ESYT2: variants seen among roughly 807,000 people sequenced by gnomAD.
ESYT2 encodes the protein extended synaptotagmin-2.
Under a neutral mutation model 107.2 loss-of-function variants are expected in ESYT2, and 54 were observed. The ratio of observed to expected loss-of-function variants is 0.50; its 90% CI spans 0.40 to 0.63. The LOEUF (loss-of-function observed/expected upper bound fraction) is 0.63. ESYT2 is among the 30% of genes least tolerant of loss of function. The pLI is 0.00. For synonymous variants in ESYT2, 491 were observed against 434.1 expected, an observed-to-expected ratio of 1.13 and a Z score of -1.63; for missense variants, 1,020 against 1,094.5, an observed-to-expected ratio of 0.93 and a Z score of 0.96.
At chr7:158,745,809 T>C (rs1210340088) in intron 16 of ESYT2, among the ~76,000 whole-genome samples, 1 of 152,020 alleles carries the variant, frequency 6.6e-6, no homozygotes, top group African/African-American at 2.4e-5. Context: ...AAAGGAGACA[T>C]CAACGACAAG....
At chr7:158,803,881 GAGAAGGGTGAGGCGCGCGA>G (rs1563031029) in intron 1 of ESYT2, among the ~76,000 whole-genome samples, 12 of 59,724 alleles carry the variant, frequency 2.0e-4, no homozygotes, top group Admixed American at 5.2e-4. Context: ...CCAAACCACG[GAGAAGGGTGAGGCGCGCGA>G]CAAACCCAAA....
At chr7:158,776,212 T>G (rs916106546) in intron 6 of ESYT2, among the ~76,000 whole-genome samples, 9 of 152,118 alleles carry the variant, frequency 5.9e-5, no homozygotes, top group Admixed American at 1.3e-4. Context: ...GCGTGATTCT[T>G]AAGGGCCCAA....
intron 11 of ESYT2, among the ~76,000 whole-genome samples, chr7:158,760,434 TC>T (rs1329950380): frequency 1.3e-5 from 2 of 152,206 alleles, no homozygotes; most frequent in Non-Finnish European, 2.9e-5. Flanking sequence ...CTAGTATCAT[TC>T]CCACTTTACA....
At chr7:158,762,137 A>C (rs1837990594) in intron 10 of ESYT2, among the ~76,000 whole-genome samples, 1 of 151,884 alleles carries the variant, frequency 6.6e-6, no homozygotes, top group Non-Finnish European at 1.5e-5. Flanking sequence ...TACTTCCAAG[A>C]TTGGCACCAC....
At position 158,734,171 on chromosome 7, in the gene ESYT2, A is replaced by C; in HGVS notation, c.*36T>G. On this transcript the variant is annotated 3_prime_UTR_variant, in exon 23 of 23. Coordinates refer to ENST00000275418, the MANE Select transcript of ESYT2 (RefSeq NM_001367773.1). ...GGGTGTGTTCCGGGTAGAGGTGGAG[A>C]GCTACGCTGAAGAGGACGCCTCCTG... The C allele has an allele frequency of 6.2e-7, 1 of 1,613,314 alleles. No individual in the cohort carries two copies. The highest frequency in any genetic ancestry group is 8.5e-7 in the Non-Finnish European group (1 of 1,179,384).
chr7:158,825,092 A>G (rs1197927625), intron 1 of ESYT2, among the ~76,000 whole-genome samples: 1 of 152,230 alleles, frequency 6.6e-6, no homozygotes, highest in Non-Finnish European at 1.5e-5. Context: ...CAGGAGTTTG[A>G]GACCAGCCTG....
chr7:158,822,111 A>T (rs1840301760), intron 1 of ESYT2, among the ~76,000 whole-genome samples: 1 of 152,244 alleles, frequency 6.6e-6, no homozygotes, highest in Non-Finnish European at 1.5e-5. Context: ...TTACATCTCT[A>T]AATGAAGAAA....
At chr7:158,757,646 C>T (rs1346637701) in intron 13 of ESYT2, among the ~76,000 whole-genome samples, 3 of 152,210 alleles carry the variant, frequency 2.0e-5, no homozygotes, top group Non-Finnish European at 2.9e-5. Flanking sequence ...CCCCTTAATC[C>T]CGCGCCAGGC....
At chr7:158,782,294 A>AAAT (rs10626445) in intron 6 of ESYT2, among the ~76,000 whole-genome samples, 1 of 147,778 alleles carries the variant, frequency 6.8e-6, no homozygotes, top group African/African-American at 2.5e-5. Context: ...GAAATGTGTG[A>AAAT]AACAAGTGAA....
Position 158,829,220 on chromosome 7 carries a change from G to A in ESYT2, c.199C>T (p.Leu67Phe), listed in dbSNP as rs1006265043. 1.3e-6 allele frequency: 2 copies of A among 1,529,686 alleles called. No homozygotes were observed. Among genetic ancestry groups the A allele is most frequent in the Non-Finnish European group, 1.7e-6 (2 of 1,145,994 alleles). The allele number at this position is 1,529,686 out of a possible 1,614,324, so 94.8% of individuals were successfully genotyped here. A position where few individuals can be genotyped will look rare whatever the true frequency, so the allele number is the denominator to read the frequency against. The change falls in exon 1 of 23, where the codon CTC (leucine) becomes TTC (phenylalanine). Residue 67 changes from leucine (L) to phenylalanine (F), a missense_variant. By Grantham distance (22) the Leu-to-Phe change is conservative. Transcript: ENST00000275418. Reference protein sequence around the residue: ...GLSFSWVLLALALLAWCRRSR... With the variant: ...GLSFSWVLLAFALLAWCRRSR... Reference sequence around the variant, plus strand: ...CGGCGACACCAGGCGAGCAGCGCGAGCGCGAGGAGAACCCAGCTGAAGCTG... The same window carrying A: ...CGGCGACACCAGGCGAGCAGCGCGAACGCGAGGAGAACCCAGCTGAAGCTG...
intron 7 of ESYT2, 125 bp downstream of exon 7, chr7:158,773,216 G>T: frequency 9.8e-7 from 1 of 1,025,494 alleles, no homozygotes; most frequent in Non-Finnish European, 1.5e-6. Context: ...ACGACAGCCT[G>T]TGGAGAAGGC....
At chr7:158,763,341 T>C (rs1001982296) in intron 9 of ESYT2, among the ~76,000 whole-genome samples, 176 bp from the exon 10 acceptor site, 6 of 152,226 alleles carry the variant, frequency 3.9e-5, no homozygotes, top group South Asian at 2.1e-4. Flanking sequence ...ATCTCCCAGG[T>C]TGGAGTGCAG....
chr7:158,755,200 G>C (rs557503250), intron 13 of ESYT2, among the ~76,000 whole-genome samples: 12 of 152,344 alleles, frequency 7.9e-5, no homozygotes, highest in African/African-American at 2.6e-4. Flanking sequence ...TAGGAAGTAA[G>C]AGAGCACTGG....
Position 158,763,101 on chromosome 7 carries a change from T to C in ESYT2, c.1166A>G (p.Lys389Arg). 1 of 1,613,028 alleles carries C rather than the reference T, an allele frequency of 6.2e-7. No homozygotes were observed. Among genetic ancestry groups the C allele is most frequent in the Non-Finnish European group, 8.5e-7 (1 of 1,179,352 alleles). ...EIELFDEDPD[K>R]DDFLGSLMID... ...TATTTACCTTCCTAAAAAGTCATCC[T>C]TGTCTGGGTCTTCATCAAAGAGCTC... The change falls in exon 10 of 23, where the codon AAG (lysine) becomes AGG (arginine). Residue 389 changes from lysine to arginine, a missense_variant. Physicochemically the swap from Lys to Arg is conservative, Grantham distance 26. Coordinates refer to ENST00000275418, the MANE Select transcript of ESYT2 (RefSeq NM_001367773.1).
At chr7:158,792,345 G>A (rs1402887792) in intron 4 of ESYT2, among the ~76,000 whole-genome samples, 9 of 146,108 alleles carry the variant, frequency 6.2e-5, no homozygotes, top group Non-Finnish European at 1.3e-4. Flanking sequence ...GAAACATGGT[G>A]AAACCCCATC....
intron 14 of ESYT2, among the ~76,000 whole-genome samples, chr7:158,751,707 A>G (rs191906276): frequency 2.0e-5 from 3 of 152,322 alleles, no homozygotes; most frequent in African/African-American, 4.8e-5. Flanking sequence ...TACTCCTTCC[A>G]TTCTACAAAT....
chr7:158,750,734 T>G (rs559807311), intron 14 of ESYT2, among the ~76,000 whole-genome samples: 1 of 152,336 alleles, frequency 6.6e-6, no homozygotes, highest in East Asian at 1.9e-4. Context: ...TTTCTCCTTT[T>G]TCCTTTAATA....
At chr7:158,776,954 G>T (rs1224630304) in intron 6 of ESYT2, among the ~76,000 whole-genome samples, 1 of 151,026 alleles carries the variant, frequency 6.6e-6, no homozygotes, top group Non-Finnish European at 1.5e-5. Context: ...CCAGGTTCAA[G>T]TGATTCTCCT....
At chr7:158,778,453 A>AT (rs1563646106) in intron 6 of ESYT2, among the ~76,000 whole-genome samples, 1 of 149,120 alleles carries the variant, frequency 6.7e-6, no homozygotes, top group Non-Finnish European at 1.5e-5. Context: ...TTATGGATAA[A>AT]AATGTAAAAA....
Sources: allele counts gnomAD v4.1 joint callset (sites outside exome capture counted in the v4.1 genomes callset), GRCh38; gene constraint gnomAD v4.1.1; transcripts MANE v1.5; gene names NCBI Gene and HGNC (gene_info 2026-07-23, HGNC 2026-07-21).